PGM3: variants seen among roughly 807,000 people sequenced by gnomAD.
PGM3 encodes phosphoglucomutase 3, also known as phosphoacetylglucosamine mutase.
Under a neutral mutation model 66.2 loss-of-function variants are expected in PGM3, and 40 were observed. The observed-to-expected ratio is 0.60, with a 90% CI of 0.47 to 0.79. PGM3 has a LOEUF of 0.79. PGM3 is among the 30% of genes least tolerant of loss of function. The probability of loss-of-function intolerance (pLI) is 0.00; values close to 1 mark genes in which losing one functional copy is unlikely to be tolerated. For missense variants in PGM3, 537 were observed against 643.4 expected (o/e 0.83, Z 1.79); for synonymous variants, 191 against 224.2 (o/e 0.85, Z 1.32).
At chr6:83,159,706 G>T, downstream of PGM3, 1 of 1,431,656 alleles carries the variant, frequency 7.0e-7, no homozygotes, top group South Asian at 1.2e-5. Flanking sequence ...GGATGATTAT[G>T]AAAAATATTA....
chr6:83,163,171 A>G (rs150574167), downstream of PGM3, among the ~76,000 whole-genome samples: 1 of 152,330 alleles, frequency 6.6e-6, no homozygotes, highest in African/African-American at 2.4e-5. Flanking sequence ...TTTGTACATT[A>G]ATAACATCTA....
chr6:83,181,999 T>A, intron 5 of PGM3, 68 bp from the exon 6 acceptor site: 1 of 936,984 alleles, frequency 1.1e-6, no homozygotes, highest in Non-Finnish European at 1.6e-6. Context: ...ATATAAAGCA[T>A]ATATACATAT....
chr6:83,167,494 G>T lies in PGM3; in HGVS notation c.*1740C>A, dbSNP rs1362718388. 1.0e-6 allele frequency: 1 copy of T among 1,002,112 alleles called. No individual in the cohort carries two copies. The highest frequency in any genetic ancestry group is 1.0e-4 in the East Asian group (1 of 9,894). 62.1% of individuals were successfully genotyped at this position (1,002,112 alleles called of 1,614,324 possible). A position where few individuals can be genotyped will look rare whatever the true frequency, so the allele number is the denominator to read the frequency against. ...TGTTCCTTTTTTCTGTAGTAATTTT[G>T]TGACCTAGTCCTTGGTTACAGTAGT... is the stretch of plus-strand genomic sequence containing the variant. On this transcript the variant is annotated 3_prime_UTR_variant, in exon 13 of 13. Transcript: ENST00000513973.
At position 83,167,920 on chromosome 6, in the gene PGM3, T is replaced by C. The variant is rs1786212443; in HGVS notation, c.*1314A>G. The C allele has an allele frequency of 1.9e-6, 3 of 1,613,854 alleles. No individual in the cohort carries two copies. The African/African-American group carries it at 4.0e-5, about 22-fold the overall frequency. On this transcript the variant is annotated 3_prime_UTR_variant, in exon 13 of 13. Transcript: ENST00000513973. ...TTGGGTTGGGAGCCAGGGCACTTGC[T>C]GCTCACCATCTGCACCGTGCGCAGT...
In PGM3 at chr6:83,164,946, C is replaced by G; in HGVS notation, c.*4288G>C. On this transcript the variant is annotated 3_prime_UTR_variant, in exon 13 of 13. Coordinates refer to ENST00000513973, the MANE Select transcript of PGM3 (RefSeq NM_015599.3). The stretch of plus-strand genomic sequence containing the variant: ...GTTCTGATTAAGAGCATCAGAAACT[C>G]TGAATCAAGTGTATTCTTCTTGGTC... The G allele has an allele frequency of 2.2e-6, 1 of 449,018 alleles. No homozygotes were observed. 27.8% of individuals were successfully genotyped at this position (449,018 alleles called of 1,614,324 possible). A position where few individuals can be genotyped will look rare whatever the true frequency, so the allele number is the denominator to read the frequency against.
chr6:83,191,042 G>T, intron 1 of PGM3, 28 bp from the exon 2 acceptor site: 1 of 1,589,928 alleles, frequency 6.3e-7, no homozygotes, highest in Non-Finnish European at 8.6e-7. Flanking sequence ...ATTGTTTCGG[G>T]CATAACAAGT....
In PGM3 at chr6:83,164,888, T is replaced by G. The variant is rs1044172415; in HGVS notation, c.*4346A>C. On this transcript the variant is annotated 3_prime_UTR_variant, in exon 13 of 13. Transcript: ENST00000513973. ...GGAGAAATCATTTGTATGGAAACAT[T>G]TGACTTTATTTAATATTGAGACAAT... 3.4e-6 allele frequency: 2 copies of G among 588,378 alleles called. No individual in the cohort carries two copies. The highest frequency in any genetic ancestry group is 6.1e-6 in the Non-Finnish European group (2 of 329,370). The allele number at this position is 588,378 out of a possible 1,614,324, so 36.4% of individuals were successfully genotyped here. A position where few individuals can be genotyped will look rare whatever the true frequency, so the allele number is the denominator to read the frequency against.
chr6:83,158,659 T>G (rs1007078847), downstream of PGM3: 3 of 1,417,462 alleles, frequency 2.1e-6, no homozygotes, highest in East Asian at 4.6e-5. Flanking sequence ...GTCCATTTTT[T>G]AATACCCTGA....
chr6:83,170,261 C>T, intron 12 of PGM3, 44 bp downstream of exon 12: 1 of 1,568,632 alleles, frequency 6.4e-7, no homozygotes, highest in Non-Finnish European at 8.8e-7. Flanking sequence ...GCCTGCCCAT[C>T]ACCTAATATT....
chr6:83,153,752 A>C, the PGM3 span: 1 of 1,170,434 alleles, frequency 8.5e-7, no homozygotes, highest in Non-Finnish European at 1.2e-6. Context: ...GTTTAAAAAA[A>C]TTCATATATT....
chr6:83,170,694 A>G lies in PGM3; in HGVS notation c.1366-216T>C, dbSNP rs148253093. The G allele has an allele frequency of 1.0e-3, 514 of 492,248 alleles. 3 individuals carry two copies. Among genetic ancestry groups the G allele is most frequent in the African/African-American group, 8.3e-3 (435 of 52,164 alleles). The allele number at this position is 492,248 out of a possible 1,614,324, so 30.5% of individuals were successfully genotyped here. ...ACCTTTGGCAAAAAATATTTCCACAAATGCTTAGAGTTACCACTAAGATAA... is the reference window on the plus strand; with the variant it reads ...ACCTTTGGCAAAAAATATTTCCACAGATGCTTAGAGTTACCACTAAGATAA... On this transcript the variant is annotated intron_variant, in intron 11 of 12. Coordinates refer to ENST00000513973, the MANE Select transcript of PGM3 (RefSeq NM_015599.3).
the PGM3 span, among the ~76,000 whole-genome samples, chr6:83,149,381 C>T: frequency 6.6e-6 from 1 of 152,112 alleles, no homozygotes; most frequent in Non-Finnish European, 1.5e-5. Flanking sequence ...ATTCTTGATT[C>T]CTAATAGGTC....
At chr6:83,151,897 A>C in the PGM3 span, 1 of 1,613,900 alleles carries the variant, frequency 6.2e-7, no homozygotes, top group Non-Finnish European at 8.5e-7. Flanking sequence ...TAACTCACAA[A>C]ATAGTGGATG....
downstream of PGM3, among the ~76,000 whole-genome samples, chr6:83,158,194 G>A (rs1783277903): frequency 6.6e-6 from 1 of 151,942 alleles, no homozygotes; most frequent in African/African-American, 2.4e-5. Flanking sequence ...GTAAAGACGG[G>A]GTTTCAGCAT....
At chr6:83,159,722 T>C (rs1783786936), downstream of PGM3, 1 of 1,524,458 alleles carries the variant, frequency 6.6e-7, no homozygotes, top group Non-Finnish European at 9.0e-7. Context: ...TATTAGCTGG[T>C]ACTTTTAGAT....
chr6:83,162,407 C>G (rs1003975648), downstream of PGM3, among the ~76,000 whole-genome samples: 6 of 152,120 alleles, frequency 3.9e-5, no homozygotes, highest in Non-Finnish European at 8.8e-5. Flanking sequence ...AAGTCTTTGT[C>G]AGACTGTTAT....
chr6:83,173,037 C>T (rs940500753), intron 10 of PGM3, among the ~76,000 whole-genome samples: 2 of 152,116 alleles, frequency 1.3e-5, no homozygotes, highest in Non-Finnish European at 2.9e-5. Context: ...TCTTATGTAA[C>T]ATACATGAAA....
Position 83,166,478 on chromosome 6 carries a change from T to G in PGM3, c.*2756A>C. 1 of 698,246 alleles carries G rather than the reference T, an allele frequency of 1.4e-6. No homozygotes were observed. Among genetic ancestry groups the G allele is most frequent in the Non-Finnish European group, 2.6e-6 (1 of 383,682 alleles). The allele number at this position is 698,246 out of a possible 1,614,324, so 43.3% of individuals were successfully genotyped here. A position where few individuals can be genotyped will look rare whatever the true frequency, so the allele number is the denominator to read the frequency against. On this transcript the variant is annotated 3_prime_UTR_variant, in exon 13 of 13. Transcript: ENST00000513973. ...TGCTGCTTTATAACCTATTTTGAAC[T>G]CAGAAAATCGCTAAATTTGATTTTT...
chr6:83,152,595 CTTT>C, the PGM3 span, among the ~76,000 whole-genome samples: 4 of 147,198 alleles, frequency 2.7e-5, no homozygotes, highest in African/African-American at 7.5e-5. Flanking sequence ...ATGTCCTATT[CTTT>C]TTTATGTGTT....
Sources: allele counts gnomAD v4.1 joint callset (sites outside exome capture counted in the v4.1 genomes callset), GRCh38; gene constraint gnomAD v4.1.1; transcripts MANE v1.5; gene names NCBI Gene and HGNC (gene_info 2026-07-23, HGNC 2026-07-21).